Variants in MTUS2 observed in about 807,000 individuals in gnomAD.
The protein encoded by MTUS2 is microtubule-associated tumor suppressor candidate 2.
A neutral mutation model predicts 114.1 loss-of-function variants in MTUS2; 40 were observed. The observed-to-expected ratio is 0.35, with a 90% confidence interval of 0.27 to 0.46. MTUS2 has a LOEUF of 0.46. Ranked by LOEUF, MTUS2 falls within the 20% of genes least tolerant of loss-of-function variation. MTUS2 has a pLI of 1.00. For synonymous variants in MTUS2, 688 were observed against 672.0 expected, an observed-to-expected ratio of 1.02 and a Z score of -0.37; for missense variants, 1,679 against 1,705.4, an observed-to-expected ratio of 0.98 and a Z score of 0.27.
intron 2 of MTUS2, among the ~76,000 whole-genome samples, chr13:28,925,973 C>T (rs906962697): frequency 6.6e-6 from 1 of 152,180 alleles, no homozygotes; most frequent in Non-Finnish European, 1.5e-5. Context: ...ATACCCTGTC[C>T]TAGTAATAAA....
chr13:29,108,535 A>G (rs529697240), intron 5 of MTUS2, among the ~76,000 whole-genome samples: 1 of 152,274 alleles, frequency 6.6e-6, no homozygotes, highest in South Asian at 2.1e-4. Context: ...CCGATTCTAC[A>G]TTCTTTCAGC....
At position 28,881,829 on chromosome 13, in the gene MTUS2, C is replaced by T. The variant is rs546422839; in HGVS notation, c.-243+41979C>T. On this transcript the variant is annotated intron_variant, in intron 2 of 15. Transcript: ENST00000612955. ...AAAAGATGACAGTTTTGAGGACTTA[C>T]GTTACTGAATATGGCCGTAGCCAAA... Among the ~76,000 whole-genome samples the T allele has an allele frequency of 7.2e-5, 11 of 152,230 alleles. No homozygotes were observed. The East Asian group carries it at 1.2e-3, about 16-fold the overall frequency.
intron 8 of MTUS2, among the ~76,000 whole-genome samples, chr13:29,402,241 T>C (rs1056671914): frequency 1.6e-4 from 25 of 152,090 alleles, no homozygotes; most frequent in African/African-American, 2.9e-4. Flanking sequence ...CCCACCACTC[T>C]AGGCTCTACA....
chr13:29,257,275 C>T (rs1593230055), intron 5 of MTUS2, among the ~76,000 whole-genome samples: 1 of 152,178 alleles, frequency 6.6e-6, no homozygotes, highest in East Asian at 1.9e-4. Context: ...AGAATGGAGT[C>T]CAAACTCCCT....
intron 5 of MTUS2, among the ~76,000 whole-genome samples, chr13:29,200,872 G>A (rs1894926874): frequency 6.6e-6 from 1 of 152,164 alleles, no homozygotes; most frequent in South Asian, 2.1e-4. Context: ...TGGCCTGAGA[G>A]ACTGTTGGTT....
intron 2 of MTUS2, among the ~76,000 whole-genome samples, chr13:28,958,256 C>T (rs933138301): frequency 6.6e-6 from 1 of 152,338 alleles, no homozygotes; most frequent in East Asian, 1.9e-4. Flanking sequence ...AGCCACCAGG[C>T]GGAGGGCGTT....
At chr13:29,082,137 T>G (rs995758353) in intron 4 of MTUS2, among the ~76,000 whole-genome samples, 9 of 152,204 alleles carry the variant, frequency 5.9e-5, no homozygotes, top group Non-Finnish European at 8.8e-5. Flanking sequence ...AAGAAACACT[T>G]GAGTTTCCTC....
At chr13:29,255,318 C>T (rs775075203) in intron 5 of MTUS2, among the ~76,000 whole-genome samples, 9 of 152,164 alleles carry the variant, frequency 5.9e-5, no homozygotes, top group Non-Finnish European at 1.0e-4. Context: ...AGGATTTCCT[C>T]CTCTGTTAGA....
At chr13:29,256,255 C>T (rs1897280122) in intron 5 of MTUS2, among the ~76,000 whole-genome samples, 1 of 152,200 alleles carries the variant, frequency 6.6e-6, no homozygotes, top group Admixed American at 6.5e-5. Context: ...GGAGCTGGTG[C>T]CCAGTGTGGG....
intron 4 of MTUS2, among the ~76,000 whole-genome samples, chr13:29,058,259 G>C (rs1888233108): frequency 6.6e-6 from 1 of 151,076 alleles, no homozygotes; most frequent in Non-Finnish European, 1.5e-5. Context: ...GTGTCTTAGG[G>C]ATGGTCATCT....
At chr13:28,928,528 A>C (rs1382158404) in intron 2 of MTUS2, among the ~76,000 whole-genome samples, 1 of 152,244 alleles carries the variant, frequency 6.6e-6, no homozygotes, top group Non-Finnish European at 1.5e-5. Flanking sequence ...TCATCTGAGA[A>C]ATGCAAATCG....
intron 8 of MTUS2, among the ~76,000 whole-genome samples, chr13:29,392,287 C>T (rs1041004114): frequency 2.6e-5 from 4 of 152,154 alleles, no homozygotes; most frequent in African/African-American, 9.7e-5. Context: ...ATTTGACCTT[C>T]TCTGGTGCCT....
chr13:29,146,336 G>T (rs1458481007), intron 5 of MTUS2, among the ~76,000 whole-genome samples: 1 of 152,212 alleles, frequency 6.6e-6, no homozygotes, highest in Non-Finnish European at 1.5e-5. Context: ...CCAGCTTGTT[G>T]TCTGATTTAA....
chr13:28,951,230 A>T (rs947699592), intron 2 of MTUS2, among the ~76,000 whole-genome samples: 4 of 152,358 alleles, frequency 2.6e-5, no homozygotes, highest in Admixed American at 2.6e-4. Flanking sequence ...GAGGCAGAAG[A>T]CTTACACACT....
At chr13:29,465,692 G>T (rs148376201) in intron 9 of MTUS2, among the ~76,000 whole-genome samples, 2 of 152,044 alleles carry the variant, frequency 1.3e-5, no homozygotes, top group African/African-American at 4.8e-5. Context: ...CTCAGTCCCT[G>T]CTTGTTCCAC....
chr13:29,308,810 A>AAAGAC (rs1899608437), intron 6 of MTUS2, among the ~76,000 whole-genome samples: 1 of 152,210 alleles, frequency 6.6e-6, no homozygotes, highest in Non-Finnish European at 1.5e-5. Context: ...AACATCACTG[A>AAAGAC]TCATTAGAGA....
chr13:29,411,383 T>C (rs985634208), intron 8 of MTUS2, among the ~76,000 whole-genome samples: 8 of 152,248 alleles, frequency 5.3e-5, no homozygotes, highest in African/African-American at 1.9e-4. Context: ...AATTTCCATA[T>C]GTCCTTAGGT....
intron 9 of MTUS2, among the ~76,000 whole-genome samples, chr13:29,471,122 C>T (rs1359903329): frequency 1.3e-5 from 2 of 152,214 alleles, no homozygotes; most frequent in East Asian, 3.9e-4. Flanking sequence ...GCGGGCAGCT[C>T]ACTTGAGGTC....
At chr13:28,990,972 G>A (rs1272580260) in intron 2 of MTUS2, among the ~76,000 whole-genome samples, 4 of 152,124 alleles carry the variant, frequency 2.6e-5, no homozygotes, top group Non-Finnish European at 5.9e-5. Flanking sequence ...CGAGGTCTGC[G>A]GCTTCATTCT....
Sources: gnomAD v4.1 joint callset for allele counts (sites outside exome capture counted in the v4.1 genomes callset) on GRCh38, gnomAD v4.1.1 for gene constraint, MANE v1.5 for transcripts, NCBI Gene and HGNC (gene_info 2026-07-23, HGNC 2026-07-21) for gene names.